The following GTF3C1 variants were observed in gnomAD, a reference collection of about 807,000 sequenced individuals.
GTF3C1 encodes the protein general transcription factor IIIC subunit 1.
A neutral mutation model predicts 226.7 loss-of-function variants in GTF3C1; 57 were observed. The ratio of observed to expected loss-of-function variants is 0.25; its 90% CI spans 0.20 to 0.31. The LOEUF is 0.31. Among genes scored for constraint, GTF3C1 ranks in the 10% least tolerant of loss-of-function variants. The pLI is 1.00. For synonymous variants in GTF3C1, 1,090 were observed against 1,084.8 expected (o/e 1.00, Z -0.09); for missense variants, 2,217 against 2,776.1 (o/e 0.80, Z 4.53).
At chr16:27,541,155 G>A (rs182680405) in intron 2 of GTF3C1, among the ~76,000 whole-genome samples, 13 of 152,150 alleles carry the variant, frequency 8.5e-5, no homozygotes, top group Admixed American at 1.3e-4. Context: ...GGTGACGCTT[G>A]TATTAGCAGT....
chr16:27,536,515 TA>T (rs2089003589), intron 4 of GTF3C1, among the ~76,000 whole-genome samples: 1 of 152,180 alleles, frequency 6.6e-6, no homozygotes, highest in Admixed American at 6.5e-5. Context: ...AAGAATGGCT[TA>T]AATCTGGGAG....
chr16:27,518,890 T>A (rs1049996799), intron 6 of GTF3C1, among the ~76,000 whole-genome samples: 7 of 152,194 alleles, frequency 4.6e-5, no homozygotes, highest in African/African-American at 1.7e-4. Flanking sequence ...TAGTAAGGAC[T>A]AAATTAATGA....
intron 7 of GTF3C1, among the ~76,000 whole-genome samples, chr16:27,509,108 T>C (rs1208864154): frequency 6.6e-6 from 1 of 152,242 alleles, no homozygotes; most frequent in African/African-American, 2.4e-5. Flanking sequence ...TATTTCTTGA[T>C]AGACACAGAG....
intron 6 of GTF3C1, among the ~76,000 whole-genome samples, chr16:27,523,136 G>A (rs894110872): frequency 6.6e-6 from 1 of 152,086 alleles, no homozygotes; most frequent in Admixed American, 6.6e-5. Context: ...ATCATTTTCC[G>A]ACAGACTGCT....
Position 27,501,288 on chromosome 16 carries a change from C to G in GTF3C1, c.1964G>C (p.Cys655Ser). 6.2e-7 allele frequency: 1 copy of G among 1,614,012 alleles called. No individual in the cohort carries two copies. Among genetic ancestry groups the G allele is most frequent in the Non-Finnish European group, 8.5e-7 (1 of 1,179,864 alleles). ...CACCAAGCGGACAATGGACTTCTTG[C>G]AGCACTTGGTGGACACGCCTTCCTG... ...EKQEGVSTKC[C>S]KKSIVRLVRN... is the part of the protein sequence containing the mutation. The change falls in exon 12 of 37, where the codon TGC becomes TCC. Residue 655 changes from cysteine (C) to serine (S), a missense_variant. By Grantham distance (112) the Cys-to-Ser change is moderately radical. Coordinates refer to ENST00000356183, the MANE Select transcript of GTF3C1 (RefSeq NM_001520.4).
rs777937386 is a variant in GTF3C1 at position 27,482,997 on chromosome 16, C to T, written c.4083+47G>A. On this transcript the variant is annotated intron_variant, in intron 26 of 36. Coordinates refer to ENST00000356183, the MANE Select transcript of GTF3C1 (RefSeq NM_001520.4). ...AGAGGAGCTGACTGAAGTCTAGCTG[C>T]CCCAATCTCCCAAGCATACCAAGCC... 2.0e-6 allele frequency: 3 copies of T among 1,522,902 alleles called. No individual in the cohort carries two copies. In the South Asian group the frequency reaches 3.4e-5, roughly 17 times the overall value. 94.3% of individuals were successfully genotyped at this position (1,522,902 alleles called of 1,614,324 possible).
intron 1 of GTF3C1, 40 bp downstream of exon 1, chr16:27,549,630 C>CGG: frequency 2.8e-6 from 2 of 703,146 alleles, no homozygotes; most frequent in Non-Finnish European, 4.8e-6. Flanking sequence ...CCGGGCCCTG[C>CGG]GCCCGCCCGC....
rs1235835933 is a variant in GTF3C1 at position 27,536,102 on chromosome 16, T to C, written c.752+1682A>G. ...ATCTTGTTAACAGACAATGTAAACT[T>C]ATGGTATCAATAAATACAGTACAGT... On this transcript the variant is annotated intron_variant, in intron 4 of 36. Coordinates refer to ENST00000356183, the MANE Select transcript of GTF3C1 (RefSeq NM_001520.4). Among the ~76,000 whole-genome samples, 3 of 152,368 alleles carry C rather than the reference T, an allele frequency of 2.0e-5. No individual in the cohort carries two copies. The East Asian group carries it at 5.8e-4, about 29-fold the overall frequency.
At chr16:27,516,595 T>C (rs2088662187) in intron 6 of GTF3C1, among the ~76,000 whole-genome samples, 1 of 152,230 alleles carries the variant, frequency 6.6e-6, no homozygotes, top group Non-Finnish European at 1.5e-5. Context: ...TTTCACAACA[T>C]GCCAATCACA....
In GTF3C1 at chr16:27,469,733, G is replaced by C. The variant is rs761775255; in HGVS notation, c.4815-183C>G. Reference sequence around the variant, plus strand: ...GATCCATCCCCTTTCCCACCTTCCCGTGCACCGCGCTCACCCCTTGTCACA... The same window carrying C: ...GATCCATCCCCTTTCCCACCTTCCCCTGCACCGCGCTCACCCCTTGTCACA... On this transcript the variant is annotated intron_variant, in intron 31 of 36. Transcript: ENST00000356183. This position sits in a 1 kb window ranked among gnomAD's most constrained non-coding sequence, Gnocchi z 4.5. 6.6e-6 allele frequency among the ~76,000 whole-genome samples: 1 copy of C among 151,860 alleles called. No homozygotes were observed. The highest frequency in any genetic ancestry group is 3.2e-3 in the Middle Eastern group (1 of 316).
intron 12 of GTF3C1, among the ~76,000 whole-genome samples, chr16:27,499,472 C>T (rs547427031): frequency 2.7e-4 from 41 of 152,214 alleles, no homozygotes; most frequent in Non-Finnish European, 4.7e-4. Flanking sequence ...CTGCTGAGGC[C>T]GGGGACAGCA....
chr16:27,492,521 G>A lies in GTF3C1; in HGVS notation c.2974-6C>T. 6.2e-7 allele frequency: 1 copy of A among 1,609,134 alleles called. No homozygotes were observed. The highest frequency in any genetic ancestry group is 1.1e-5 in the South Asian group (1 of 90,942). On this transcript the variant is annotated splice_region_variant and splice_polypyrimidine_tract_variant and intron_variant, in intron 18 of 36. Coordinates refer to ENST00000356183, the MANE Select transcript of GTF3C1 (RefSeq NM_001520.4). This position sits in a 1 kb window ranked among gnomAD's most constrained non-coding sequence, Gnocchi z 5.0. ...TTCTTCAAGAAGATAAAGACCTAAG[G>A]GGAGACACCAGACAGGGAGAACCCA...
At position 27,471,716 on chromosome 16, in the gene GTF3C1, C is replaced by A; in HGVS notation, c.4526+32G>T. ...TTACAGACAGGGCGTGGCTCCACCT[C>A]GGAGTACCCAAGGCTCCTGACAGGT... On this transcript the variant is annotated intron_variant, in intron 30 of 36. Coordinates refer to ENST00000356183, the MANE Select transcript of GTF3C1 (RefSeq NM_001520.4). This position sits in a 1 kb window ranked among gnomAD's most constrained non-coding sequence, Gnocchi z 5.0. 1 of 1,566,876 alleles carries A rather than the reference C, an allele frequency of 6.4e-7. No individual in the cohort carries two copies. The highest frequency in any genetic ancestry group is 2.2e-5 in the East Asian group (1 of 44,522).
At position 27,469,154 on chromosome 16, in the gene GTF3C1, GGT is replaced by G; in HGVS notation, c.5074+135_5074+136del. 1 of 853,686 alleles carries G rather than the reference GGT, an allele frequency of 1.2e-6. No individual in the cohort carries two copies. The highest frequency in any genetic ancestry group is 1.8e-5 in the South Asian group (1 of 55,236). The allele number at this position is 853,686 out of a possible 1,614,324, so 52.9% of individuals were successfully genotyped here. ...TCCCTTGAGTTGGCTGCAAGGATGG[GGT>G]GTGTTTTTCTGTGTGTTCTGTGGCT... On this transcript the variant is annotated intron_variant, in intron 32 of 36. Coordinates refer to ENST00000356183, the MANE Select transcript of GTF3C1 (RefSeq NM_001520.4). The surrounding 1 kb of genome is among the most constrained non-coding windows in gnomAD (Gnocchi z 4.5).
chr16:27,527,565 G>A (rs890704844), intron 6 of GTF3C1, among the ~76,000 whole-genome samples: 12 of 152,314 alleles, frequency 7.9e-5, no homozygotes, highest in African/African-American at 2.9e-4. Context: ...GCTGAGTACT[G>A]ATTGTTTAAC....
chr16:27,479,928 C>T (rs1452246244), intron 27 of GTF3C1, among the ~76,000 whole-genome samples: 1 of 152,006 alleles, frequency 6.6e-6, no homozygotes, highest in Non-Finnish European at 1.5e-5. Flanking sequence ...TGGCCGGGTG[C>T]GGTGGCTCAT....
chr16:27,464,048 G>A (rs768644882), intron 34 of GTF3C1: 5 of 444,754 alleles, frequency 1.1e-5, no homozygotes, highest in African/African-American at 2.1e-5. Flanking sequence ...CACAGCAGCC[G>A]CTGCAGTGCA....
intron 10 of GTF3C1, among the ~76,000 whole-genome samples, chr16:27,504,718 C>A (rs925595232): frequency 6.6e-6 from 1 of 151,842 alleles, no homozygotes; most frequent in African/African-American, 2.4e-5. Flanking sequence ...GAGTTTGAGA[C>A]CAGCCTGGGC....
chr16:27,498,263 C>A (rs1312109692), intron 13 of GTF3C1, among the ~76,000 whole-genome samples: 2 of 152,148 alleles, frequency 1.3e-5, no homozygotes, highest in Admixed American at 6.5e-5. Flanking sequence ...CTTTCTCCCT[C>A]CCCTGAGTTT....
Sources: gnomAD v4.1 joint callset for allele counts (sites outside exome capture counted in the v4.1 genomes callset) on GRCh38, gnomAD v4.1.1 for gene constraint, Gnocchi (gnomAD v3.1) non-coding constraint, MANE v1.5 for transcripts, NCBI Gene and HGNC (gene_info 2026-07-23, HGNC 2026-07-21) for gene names.